The following MAGI1 variants were observed in gnomAD, a reference collection of about 807,000 sequenced individuals.
The protein encoded by MAGI1 is membrane-associated guanylate kinase, WW and PDZ domain-containing protein 1.
MAGI1 carries 58 observed loss-of-function variants against 139.9 expected under a neutral mutation model. That is an observed-to-expected ratio of 0.41 (90% CI 0.34 to 0.52). The LOEUF (loss-of-function observed/expected upper bound fraction) is 0.52. MAGI1 is among the 20% of genes least tolerant of loss of function. The pLI is 0.12. For synonymous variants in MAGI1, 812 were observed against 737.9 expected (o/e 1.10, Z -1.63); for missense variants, 1,874 against 1,901.6 (o/e 0.99, Z 0.27).
chr3:65,625,209 G>A (rs1229294057), intron 1 of MAGI1, among the ~76,000 whole-genome samples: 1 of 152,058 alleles, frequency 6.6e-6, no homozygotes, highest in Non-Finnish European at 1.5e-5. Flanking sequence ...AATAACATTG[G>A]TTTATATATT....
At chr3:65,582,950 T>A (rs1050161967) in intron 2 of MAGI1, among the ~76,000 whole-genome samples, 1 of 152,208 alleles carries the variant, frequency 6.6e-6, no homozygotes, top group Non-Finnish European at 1.5e-5. Flanking sequence ...AAACCACATA[T>A]ATGATTTTAA....
At chr3:65,565,253 C>T (rs1412184863) in intron 2 of MAGI1, among the ~76,000 whole-genome samples, 1 of 152,158 alleles carries the variant, frequency 6.6e-6, no homozygotes, top group East Asian at 1.9e-4. Context: ...ATGTCAGGTG[C>T]AGGCTAACTC....
chr3:65,509,756 T>G (rs2077484031), intron 2 of MAGI1, among the ~76,000 whole-genome samples: 1 of 151,874 alleles, frequency 6.6e-6, no homozygotes, highest in African/African-American at 2.4e-5. Flanking sequence ...CAGGCTTGCT[T>G]AGGTAAACAA....
chr3:65,829,949 T>G (rs1022436574), intron 1 of MAGI1, among the ~76,000 whole-genome samples: 2 of 152,224 alleles, frequency 1.3e-5, no homozygotes, highest in East Asian at 1.9e-4. Context: ...AATTCTACTT[T>G]GGATTCAGCA....
chr3:66,012,021 G>A (rs995863135), intron 1 of MAGI1, among the ~76,000 whole-genome samples: 1 of 152,032 alleles, frequency 6.6e-6, no homozygotes, highest in African/African-American at 2.4e-5. Context: ...TTCCTTAGCT[G>A]TAACTCCCCC....
intron 5 of MAGI1, among the ~76,000 whole-genome samples, chr3:65,461,759 A>G (rs549549433): frequency 2.0e-5 from 3 of 152,136 alleles, no homozygotes; most frequent in African/African-American, 7.2e-5. Context: ...AAGTACTGGG[A>G]ATACAGGCGT....
intron 13 of MAGI1, 61 bp downstream of exon 13, chr3:65,401,378 C>A: frequency 5.9e-6 from 7 of 1,189,342 alleles, no homozygotes; most frequent in Non-Finnish European, 8.5e-6. Flanking sequence ...ACCCTCCCAC[C>A]TCCAGCCCCC....
chr3:65,435,808 A>G (rs1246010024), intron 10 of MAGI1, among the ~76,000 whole-genome samples: 1 of 152,158 alleles, frequency 6.6e-6, no homozygotes, highest in Non-Finnish European at 1.5e-5. Context: ...AAGTAGGAGG[A>G]AAAGACAACT....
chr3:65,527,909 G>GA (rs754762438), intron 2 of MAGI1, among the ~76,000 whole-genome samples: 4,051 of 132,844 alleles, frequency 0.03, 170 homozygotes, highest in African/African-American at 0.097. Flanking sequence ...TCCATCTCAG[G>GA]AAAAAAAAAA....
chr3:65,549,609 A>AC (rs2079718509), intron 2 of MAGI1: 1 of 354,970 alleles, frequency 2.8e-6, no homozygotes, highest in Admixed American at 6.5e-5. Context: ...CGCTATTCAC[A>AC]CTCCGGGCTG....
intron 1 of MAGI1, among the ~76,000 whole-genome samples, chr3:65,780,025 G>A (rs185017287): frequency 2.1e-5 from 3 of 142,654 alleles, no homozygotes; most frequent in Non-Finnish European, 4.6e-5. Context: ...AATTTTTTGG[G>A]GGGGGAAGGG....
chr3:65,448,247 G>C, intron 6 of MAGI1, 190 bp from the exon 7 acceptor site: 1 of 609,910 alleles, frequency 1.6e-6, no homozygotes. Flanking sequence ...ATCACAAAAC[G>C]GGAAGAGCTG....
At chr3:65,739,542 C>G (rs2035080900) in intron 1 of MAGI1, among the ~76,000 whole-genome samples, 1 of 152,242 alleles carries the variant, frequency 6.6e-6, no homozygotes, top group African/African-American at 2.4e-5. Flanking sequence ...CAGCCGCTCT[C>G]AGCTTTCCAC....
intron 12 of MAGI1, among the ~76,000 whole-genome samples, chr3:65,422,798 T>G (rs370084122): frequency 1.2e-4 from 19 of 152,106 alleles, no homozygotes; most frequent in African/African-American, 3.9e-4. Flanking sequence ...GCCTGAAAGA[T>G]GTGAGTGAGG....
rs1386241710 is a variant in MAGI1 at position 65,975,159 on chromosome 3, G to T, written c.313+62837C>A. On this transcript the variant is annotated intron_variant, in intron 1 of 22. Transcript: ENST00000402939. ...TGGATTTTCTTCCTAACCCAAAAAT[G>T]ATTGAAATGTTCTTCCTGCCCAACT... Among the ~76,000 whole-genome samples the T allele has an allele frequency of 2.0e-5, 3 of 150,494 alleles. No individual in the cohort carries two copies. In the East Asian group the frequency reaches 5.8e-4, roughly 29 times the overall value.
chr3:65,978,712 T>C (rs1183894720), intron 1 of MAGI1, among the ~76,000 whole-genome samples: 2 of 145,420 alleles, frequency 1.4e-5, no homozygotes, highest in East Asian at 2.2e-4. Flanking sequence ...CACTGCAACC[T>C]CCGCCTCCCA....
chr3:65,599,502 AG>A (rs1171383437), intron 2 of MAGI1, among the ~76,000 whole-genome samples: 4 of 152,258 alleles, frequency 2.6e-5, no homozygotes, highest in Admixed American at 1.3e-4. Context: ...CAGACTCACT[AG>A]GTTCCAACTC....
chr3:65,573,689 C>A (rs1374068561), intron 2 of MAGI1, among the ~76,000 whole-genome samples: 1 of 152,062 alleles, frequency 6.6e-6, no homozygotes, highest in Non-Finnish European at 1.5e-5. Flanking sequence ...ACAAGAATAT[C>A]TTCATTACCC....
At chr3:65,775,322 G>A (rs1292921294) in intron 1 of MAGI1, among the ~76,000 whole-genome samples, 2 of 151,402 alleles carry the variant, frequency 1.3e-5, no homozygotes, top group Non-Finnish European at 2.9e-5. Context: ...TGTCATACAT[G>A]CCTGTAGTAT....
Sources: gnomAD v4.1 joint callset for allele counts (sites outside exome capture counted in the v4.1 genomes callset) on GRCh38, gnomAD v4.1.1 for gene constraint, MANE v1.5 for transcripts, NCBI Gene and HGNC (gene_info 2026-07-23, HGNC 2026-07-21) for gene names.